The following DPP9 variants were observed in gnomAD, a reference collection of about 807,000 sequenced individuals.
DPP9 encodes the protein dipeptidyl peptidase 9.
Under a neutral mutation model 110.7 loss-of-function variants are expected in DPP9, and 50 were observed. The observed-to-expected ratio is 0.45, with a 90% CI of 0.36 to 0.57. The LOEUF is 0.57. Ranked by LOEUF, DPP9 falls within the 20% of genes least tolerant of loss-of-function variation. DPP9 has a pLI of 0.00. For missense variants in DPP9, 1,022 were observed against 1,217.9 expected (o/e 0.84, Z 2.39); for synonymous variants, 561 against 514.4 (o/e 1.09, Z -1.23).
chr19:4,699,307 TG>T (rs1568317806), intron 10 of DPP9, among the ~76,000 whole-genome samples: 1 of 152,158 alleles, frequency 6.6e-6, no homozygotes, highest in African/African-American at 2.4e-5. Context: ...AGGGTTTCTC[TG>T]GACGCCTGGT....
In DPP9 at chr19:4,694,821, A is replaced by C; in HGVS notation, c.1356T>G (p.Val452=). ...GGGGGAAGGGATAGAAGATGTCATG[A>C]ACCTGTCCGGAAAGCAGATAGAAGA... ...YEEVTNVWIN[V]HDIFYPFPQS... The change falls in exon 13 of 22, where the codon GTT becomes GTG. Residue 452 remains valine, a splice_region_variant and synonymous_variant. Transcript: ENST00000262960. This position sits in a 1 kb window ranked among gnomAD's most constrained non-coding sequence, Gnocchi z 4.0. 6.2e-7 allele frequency: 1 copy of C among 1,613,736 alleles called. No homozygotes were observed.
At chr19:4,702,866 G>C in intron 7 of DPP9, 150 bp from the exon 8 acceptor site, 1 of 255,628 alleles carries the variant, frequency 3.9e-6, no homozygotes, top group South Asian at 3.9e-5. Flanking sequence ...GGGAGAGGGA[G>C]GGAGAGCTCG....
chr19:4,722,771 A>G, intron 1 of DPP9: 1 of 548,556 alleles, frequency 1.8e-6, no homozygotes, highest in South Asian at 2.2e-5. Context: ...CCAGCAGAGG[A>G]ATGCAGGGAT....
At chr19:4,711,968 C>G (rs1253877186) in intron 4 of DPP9, among the ~76,000 whole-genome samples, 1 of 151,954 alleles carries the variant, frequency 6.6e-6, no homozygotes, top group Admixed American at 6.6e-5. Context: ...CCAGAGGGAG[C>G]GTGGCCCTGA....
At position 4,695,659 on chromosome 19, in the gene DPP9, C is replaced by G. The variant is rs989714980; in HGVS notation, c.1176-104G>C. 3.9e-6 allele frequency: 4 copies of G among 1,024,332 alleles called. No individual in the cohort carries two copies. The highest frequency in any genetic ancestry group is 1.7e-5 in the African/African-American group (1 of 58,998). The allele number at this position is 1,024,332 out of a possible 1,614,324, so 63.5% of individuals were successfully genotyped here. On this transcript the variant is annotated intron_variant, in intron 11 of 21. Transcript: ENST00000262960. This position sits in a 1 kb window ranked among gnomAD's most constrained non-coding sequence, Gnocchi z 4.7. ...CGTCCAAACCCGTGTGGAATCAGGG[C>G]TGGGCTTCCTGCGCTGGCTTCACCT...
rs1419552222 is a variant in DPP9, at chr19:4,710,840, G to T, written c.313+3241C>A. Among the ~76,000 whole-genome samples the T allele has an allele frequency of 6.6e-6, 1 of 152,122 alleles. No individual in the cohort carries two copies. Among genetic ancestry groups the T allele is most frequent in the Admixed American group, 6.5e-5 (1 of 15,272 alleles). On this transcript the variant is annotated intron_variant, in intron 4 of 21. Coordinates refer to ENST00000262960, the MANE Select transcript of DPP9 (RefSeq NM_139159.5). The surrounding 1 kb of genome is among the most constrained non-coding windows in gnomAD (Gnocchi z 5.6). ...ATTTCACCCCGAAAGGGGCAGTCTG[G>T]TTTTTGAGCTACTCTAGGTACGTTC...
At position 4,719,708 on chromosome 19, in the gene DPP9, T is replaced by C. The variant is rs899514488; in HGVS notation, c.56+143A>G. 29 of 987,322 alleles carry C rather than the reference T, an allele frequency of 2.9e-5. No individual in the cohort carries two copies. The African/African-American group carries it at 4.0e-4, about 14-fold the overall frequency. 61.2% of individuals were successfully genotyped at this position (987,322 alleles called of 1,614,324 possible). A position where few individuals can be genotyped will look rare whatever the true frequency, so the allele number is the denominator to read the frequency against. ...CACTACGCCACACTGCCTCCTCGCT[T>C]GAAATAACCAGAACAGTCTTGGGGA... On this transcript the variant is annotated intron_variant, in intron 3 of 21. Transcript: ENST00000262960.
chr19:4,697,595 C>A lies in DPP9; in HGVS notation c.1131G>T (p.Lys377Asn), dbSNP rs372083683. The change falls in exon 11 of 22, where the codon AAG (lysine) becomes AAT (asparagine). Residue 377 changes from lysine (K) to asparagine (N), a missense_variant. By Grantham distance (94) the Lys-to-Asn change is moderately conservative (BLOSUM62 0). Transcript: ENST00000262960. Reference sequence around the variant, plus strand: ...ACCCGGCCCTGGCGATGTACTCCACCTTCGGGAACAGCGAGCTGAAGGGCT... The same window carrying A: ...ACCCGGCCCTGGCGATGTACTCCACATTCGGGAACAGCGAGCTGAAGGGCT... The part of the protein sequence containing the change: ...LVQPFSSLFP[K>N]VEYIARAGWT... 11 of 1,613,924 alleles carry A rather than the reference C, an allele frequency of 6.8e-6. No individual in the cohort carries two copies. The highest frequency in any genetic ancestry group is 8.5e-6 in the Non-Finnish European group (10 of 1,179,866).
chr19:4,722,373 C>T (rs1294821684), intron 2 of DPP9, 126 bp downstream of exon 2: 7 of 603,974 alleles, frequency 1.2e-5, no homozygotes, highest in Admixed American at 5.6e-5. Context: ...CACTGCCCTG[C>T]GGAGGACAAC....
In DPP9 at chr19:4,695,544, A is replaced by G; in HGVS notation, c.1187T>C (p.Met396Thr). The change falls in exon 12 of 22, where the codon ATG (methionine) becomes ACG (threonine). Residue 396 changes from methionine (M) to threonine (T), a missense_variant. Coordinates refer to ENST00000262960, the MANE Select transcript of DPP9 (RefSeq NM_139159.5). The surrounding 1 kb of genome is among the most constrained non-coding windows in gnomAD (Gnocchi z 4.7). ...CCACTGCTGGGGCCGGTCCAGGAAC[A>G]TGGCCCAGGCGCTAAGGGGGAAGAT... ...WTRDGKYAWAMFLDRPQQWLQ... is the reference protein window; with the variant it reads ...WTRDGKYAWATFLDRPQQWLQ... 1 of 1,490,048 alleles carries G rather than the reference A, an allele frequency of 6.7e-7. No homozygotes were observed. The highest frequency in any genetic ancestry group is 1.4e-5 in the South Asian group (1 of 72,966). The allele number at this position is 1,490,048 out of a possible 1,614,324, so 92.3% of individuals were successfully genotyped here.
chr19:4,688,551 A>G, intron 16 of DPP9: 1 of 606,242 alleles, frequency 1.6e-6, no homozygotes. Flanking sequence ...CCTTTACTGC[A>G]GCTCGAACCC....
intron 4 of DPP9, among the ~76,000 whole-genome samples, chr19:4,713,502 G>T (rs2092929771): frequency 6.6e-6 from 1 of 152,250 alleles, no homozygotes; most frequent in Non-Finnish European, 1.5e-5. Context: ...AGGAGGAAGT[G>T]TGGATCCAGA....
rs529550036 is a variant in DPP9 at position 4,700,643 on chromosome 19, T to C, written c.1013-366A>G. 4.7e-4 allele frequency among the ~76,000 whole-genome samples: 72 copies of C among 152,196 alleles called. 1 individual carries two copies. In the South Asian group the frequency reaches 0.01, roughly 21 times the overall value. The stretch of plus-strand genomic sequence containing the variant: ...CTTGGGAGAGCTCCAGAGCAGACGG[T>C]GAAGCCCGAGGCATCACAGTAAAAC... On this transcript the variant is annotated intron_variant, in intron 9 of 21. Transcript: ENST00000262960. The surrounding 1 kb of genome is among the most constrained non-coding windows in gnomAD (Gnocchi z 4.3).
chr19:4,707,973 T>G (rs937856036), intron 4 of DPP9, among the ~76,000 whole-genome samples: 1 of 152,120 alleles, frequency 6.6e-6, no homozygotes, highest in Non-Finnish European at 1.5e-5. Context: ...GCTCGCCGCC[T>G]CTGGGATTAG....
chr19:4,692,634 C>G (rs555195842), intron 13 of DPP9, among the ~76,000 whole-genome samples: 12 of 152,184 alleles, frequency 7.9e-5, no homozygotes, highest in African/African-American at 1.4e-4. Context: ...CCTGGGGGCA[C>G]TGCAGCAGCC....
intron 16 of DPP9, among the ~76,000 whole-genome samples, chr19:4,688,045 C>G (rs920271278): frequency 4.6e-5 from 7 of 152,220 alleles, no homozygotes; most frequent in Middle Eastern, 3.2e-3. Flanking sequence ...ATCCACCCGC[C>G]TCAGCCTCCC....
rs1568312467 is a variant in DPP9 at position 4,693,945 on chromosome 19, GC to G, written c.1516+715del. Among the ~76,000 whole-genome samples the G allele has an allele frequency of 6.6e-6, 1 of 151,986 alleles. No homozygotes were observed. The highest frequency in any genetic ancestry group is 1.5e-5 in the Non-Finnish European group (1 of 67,960). On this transcript the variant is annotated intron_variant, in intron 13 of 21. Transcript: ENST00000262960. The surrounding 1 kb of genome is among the most constrained non-coding windows in gnomAD (Gnocchi z 5.0). ...TGTACGGGCTGTGGCTCTGCCCAGA[GC>G]CGTGGTGTGGACCCCTCACCTCCAC... is the stretch of plus-strand genomic sequence containing the variant.
In DPP9 at chr19:4,722,488, G is replaced by C; in HGVS notation, c.-36+11C>G. The C allele has an allele frequency of 1.4e-6, 1 of 702,954 alleles. No homozygotes were observed. The highest frequency in any genetic ancestry group is 2.6e-6 in the Non-Finnish European group (1 of 384,956). 43.5% of individuals were successfully genotyped at this position (702,954 alleles called of 1,614,324 possible). ...CAGCCTTCCTGGCTGCCAAACCCCA[G>C]CACAACTGACCTTCTAAAGGGTCCA... On this transcript the variant is annotated intron_variant, in intron 2 of 21. Transcript: ENST00000262960.
rs1158847093 is a variant in DPP9 at position 4,676,266 on chromosome 19, C to G, written c.*298G>C. On this transcript the variant is annotated 3_prime_UTR_variant, in exon 22 of 22. Transcript: ENST00000262960. The surrounding 1 kb of genome is among the most constrained non-coding windows in gnomAD (Gnocchi z 4.0). ...CTCCTCTGAGTCTCTTCTGGCCTCT[C>G]CAGTGCCCATCAGCGTGTGACCTCC... is the stretch of plus-strand genomic sequence containing the variant. 2.2e-6 allele frequency: 1 copy of G among 453,534 alleles called. No homozygotes were observed. Among genetic ancestry groups the G allele is most frequent in the African/African-American group, 2.0e-5 (1 of 50,294 alleles). 28.1% of individuals were successfully genotyped at this position (453,534 alleles called of 1,614,324 possible). A position where few individuals can be genotyped will look rare whatever the true frequency, so the allele number is the denominator to read the frequency against.
Sources: gnomAD v4.1 joint callset for allele counts (sites outside exome capture counted in the v4.1 genomes callset) on GRCh38, gnomAD v4.1.1 for gene constraint, Gnocchi (gnomAD v3.1) non-coding constraint, MANE v1.5 for transcripts, NCBI Gene and HGNC (gene_info 2026-07-23, HGNC 2026-07-21) for gene names.